ZNF44: variants seen among roughly 807,000 people sequenced by gnomAD.
ZNF44 encodes the protein gonadotropin inducible transcription repressor-2.
Under a neutral mutation model 11.7 loss-of-function variants are expected in ZNF44, and 9 were observed. That is an observed-to-expected ratio of 0.77 (90% CI 0.46 to 1.35). The LOEUF (loss-of-function observed/expected upper bound fraction) is 1.35. Among genes scored for constraint, ZNF44 ranks in the 40% most tolerant of loss-of-function variants. The pLI is 0.00. For missense variants in ZNF44, 696 were observed against 743.1 expected (o/e 0.94, Z 0.74); for synonymous variants, 224 against 242.7 (o/e 0.92, Z 0.72).
At chr19:12,257,052 G>A (rs533614273) in intron 5 of ZNF44, among the ~76,000 whole-genome samples, 2 of 152,102 alleles carry the variant, frequency 1.3e-5, no homozygotes, top group African/African-American at 4.8e-5. Flanking sequence ...CCTGAAGAAA[G>A]GTAGATAAAA....
chr19:12,288,025 T>C (rs1967836640), intron 1 of ZNF44, among the ~76,000 whole-genome samples: 2 of 152,176 alleles, frequency 1.3e-5, no homozygotes, highest in South Asian at 4.1e-4. Flanking sequence ...ATATGTAGCA[T>C]TTGCTGAACA....
rs1968173683 is a variant in ZNF44 at position 12,294,698 on chromosome 19, C to A, written c.-4G>T. 2 of 1,561,126 alleles carry A rather than the reference C, an allele frequency of 1.3e-6. No individual in the cohort carries two copies. The highest frequency in any genetic ancestry group is 1.7e-6 in the Non-Finnish European group (2 of 1,153,606). ...CCGGGCCCCGCACACTCACCATTTC[C>A]CGGCTGTGCGGTGTCCCGGGTCCTC... On this transcript the variant is annotated 5_prime_UTR_variant, in exon 1 of 4. Transcript: ENST00000355684.
intron 5 of ZNF44, among the ~76,000 whole-genome samples, chr19:12,257,725 C>T (rs372795924): frequency 1.3e-5 from 2 of 150,352 alleles, no homozygotes; most frequent in East Asian, 2.0e-4. Context: ...CATTTGAAAC[C>T]GGATGATGGA....
chr19:12,238,394 A>G (rs1027364339), upstream of ZNF44, among the ~76,000 whole-genome samples: 4 of 152,064 alleles, frequency 2.6e-5, no homozygotes, highest in African/African-American at 9.7e-5. Flanking sequence ...TGGGAGGCCA[A>G]GGCGGGCGGA....
intron 1 of ZNF44, among the ~76,000 whole-genome samples, chr19:12,288,130 A>G (rs756501442): frequency 6.6e-6 from 1 of 152,212 alleles, no homozygotes; most frequent in South Asian, 2.1e-4. Flanking sequence ...GCTCAGTTCC[A>G]CAACAGGGAC....
At chr19:12,293,969 C>A (rs1248803710) in intron 1 of ZNF44, among the ~76,000 whole-genome samples, 1 of 151,030 alleles carries the variant, frequency 6.6e-6, no homozygotes, top group African/African-American at 2.4e-5. Context: ...TAGATATTAA[C>A]CAGGTGCCCT....
At chr19:12,236,952 C>T (rs1027039575) in intron 1 of ZNF44, 1 of 152,262 alleles carries the variant, frequency 6.6e-6, no homozygotes, top group African/African-American at 2.4e-5. Context: ...TGGCTTGCTT[C>T]CTCATACACC....
intron 1 of ZNF44, among the ~76,000 whole-genome samples, chr19:12,292,325 A>C (rs1017512739): frequency 1.3e-5 from 2 of 151,132 alleles, no homozygotes; most frequent in Non-Finnish European, 3.0e-5. Flanking sequence ...AAATAAAAAT[A>C]ATAAAAAAAA....
At chr19:12,291,646 T>C in intron 1 of ZNF44, among the ~76,000 whole-genome samples, 1 of 151,382 alleles carries the variant, frequency 6.6e-6, no homozygotes, top group Non-Finnish European at 1.5e-5. Context: ...TGCAGTAAGC[T>C]GAGATCGTAC....
chr19:12,245,051 C>G (rs1916734559), downstream of ZNF44, among the ~76,000 whole-genome samples: 1 of 152,088 alleles, frequency 6.6e-6, no homozygotes, highest in African/African-American at 2.4e-5. Flanking sequence ...ATGCTTTGTT[C>G]CTGTGGTATT....
intron 1 of ZNF44, among the ~76,000 whole-genome samples, chr19:12,282,030 T>C (rs1967494087): frequency 6.6e-6 from 1 of 152,208 alleles, no homozygotes; most frequent in South Asian, 2.1e-4. Context: ...TTCCATTTTA[T>C]AAGGCCAACA....
chr19:12,249,067 T>C (rs1164311377), intron 7 of ZNF44, among the ~76,000 whole-genome samples: 3 of 151,864 alleles, frequency 2.0e-5, no homozygotes, highest in African/African-American at 7.2e-5. Flanking sequence ...CACCTGCCAT[T>C]GCGCCCGGCT....
chr19:12,274,132 T>G, intron 3 of ZNF44, 69 bp from the exon 4 acceptor site: 17 of 1,375,198 alleles, frequency 1.2e-5, no homozygotes, highest in Non-Finnish European at 1.7e-5. Flanking sequence ...AGGTATTAGA[T>G]TTACATTTTT....
intron 1 of ZNF44, among the ~76,000 whole-genome samples, chr19:12,286,675 T>C (rs956147086): frequency 6.7e-6 from 1 of 149,274 alleles, no homozygotes; most frequent in Non-Finnish European, 1.5e-5. Context: ...TTGGGGCTGG[T>C]TGCAGTGGCT....
intron 5 of ZNF44, among the ~76,000 whole-genome samples, chr19:12,252,236 A>T (rs996214837): frequency 1.3e-5 from 2 of 152,192 alleles, no homozygotes; most frequent in Admixed American, 1.3e-4. Flanking sequence ...TCTAGAGAAG[A>T]GGGATAAGAG....
chr19:12,290,490 C>G (rs985686434), intron 1 of ZNF44, among the ~76,000 whole-genome samples: 17 of 149,844 alleles, frequency 1.1e-4, no homozygotes, highest in Non-Finnish European at 2.2e-4. Context: ...ATCACAAGGT[C>G]AGGAGTTGAG....
chr19:12,283,227 T>G (rs997800629), intron 1 of ZNF44, among the ~76,000 whole-genome samples: 1 of 152,126 alleles, frequency 6.6e-6, no homozygotes, highest in Non-Finnish European at 1.5e-5. Flanking sequence ...AGAGCAGAGA[T>G]AAAGTTTATA....
intron 1 of ZNF44, among the ~76,000 whole-genome samples, chr19:12,236,064 G>C (rs1319238437): frequency 6.6e-6 from 1 of 152,170 alleles, no homozygotes; most frequent in Non-Finnish European, 1.5e-5. Context: ...TGAAAAAAAT[G>C]ATAAAGTACT....
At chr19:12,241,860 A>G (rs558358226), upstream of ZNF44, among the ~76,000 whole-genome samples, 2 of 152,344 alleles carry the variant, frequency 1.3e-5, no homozygotes, top group African/African-American at 4.8e-5. Flanking sequence ...AATATTATTC[A>G]GGCACAAAAA....
Sources: gnomAD v4.1 joint callset for allele counts (sites outside exome capture counted in the v4.1 genomes callset) on GRCh38, gnomAD v4.1.1 for gene constraint, MANE v1.5 for transcripts, NCBI Gene and HGNC (gene_info 2026-07-23, HGNC 2026-07-21) for gene names.